Variants in FGGY observed in about 807,000 individuals in gnomAD.
FGGY encodes the protein FGGY carbohydrate kinase domain-containing protein.
In FGGY, 72 loss-of-function variants were observed where a neutral mutation model predicts 71.3. The observed-to-expected ratio is 1.01, with a 90% CI of 0.84 to 1.23. The LOEUF (loss-of-function observed/expected upper bound fraction) is 1.23, where lower values mean the gene tolerates loss of function less well. FGGY is among the 50% of genes most tolerant of loss of function. FGGY has a pLI of 0.00. For synonymous variants in FGGY, 251 were observed against 250.3 expected, an observed-to-expected ratio of 1.00 and a Z score of -0.02; for missense variants, 668 against 682.3, an observed-to-expected ratio of 0.98 and a Z score of 0.23.
chr1:59,592,472 A>C (rs1571827366), intron 8 of FGGY, among the ~76,000 whole-genome samples: 2 of 152,344 alleles, frequency 1.3e-5, no homozygotes, highest in Non-Finnish European at 1.5e-5. Context: ...GCTGGTATAA[A>C]GACACATGCA....
At chr1:59,651,345 A>G (rs1366755648) in intron 11 of FGGY, among the ~76,000 whole-genome samples, 1 of 150,794 alleles carries the variant, frequency 6.6e-6, no homozygotes, top group Non-Finnish European at 1.5e-5. Context: ...TAATGTTGAC[A>G]GTGGGGTGTT....
intron 7 of FGGY, among the ~76,000 whole-genome samples, chr1:59,541,629 T>A (rs1389580300): frequency 6.6e-6 from 1 of 152,172 alleles, no homozygotes; most frequent in Non-Finnish European, 1.5e-5. Flanking sequence ...TTAAAAGTCA[T>A]TTTAAAATTA....
chr1:59,297,963 T>G (rs2042214318), intron 1 of FGGY, among the ~76,000 whole-genome samples: 1 of 152,196 alleles, frequency 6.6e-6, no homozygotes, highest in African/African-American at 2.4e-5. Flanking sequence ...AAGCAGTTAA[T>G]CCTTAGGTTA....
At chr1:59,760,488 C>A (rs1443008459) in intron 15 of FGGY, among the ~76,000 whole-genome samples, 2 of 152,146 alleles carry the variant, frequency 1.3e-5, no homozygotes, top group Admixed American at 1.3e-4. Context: ...AGAGATATTT[C>A]TACATTCATG....
chr1:59,512,248 A>AG, intron 6 of FGGY, 63 bp from the exon 7 acceptor site: 3 of 1,514,392 alleles, frequency 2.0e-6, no homozygotes, highest in East Asian at 2.3e-5. Flanking sequence ...CTTAAAAAAA[A>AG]CCCTCTGTTT....
chr1:59,562,122 G>A (rs936924429), intron 8 of FGGY, among the ~76,000 whole-genome samples: 3 of 152,152 alleles, frequency 2.0e-5, no homozygotes, highest in African/African-American at 7.2e-5. Context: ...CCTACTACGT[G>A]ATCTAGCCAT....
At chr1:59,334,635 G>A (rs1261472828) in intron 2 of FGGY, among the ~76,000 whole-genome samples, 1 of 151,966 alleles carries the variant, frequency 6.6e-6, no homozygotes, top group Non-Finnish European at 1.5e-5. Flanking sequence ...TGAAGCTCTT[G>A]TTTGAGGAAC....
intron 8 of FGGY, among the ~76,000 whole-genome samples, chr1:59,586,110 C>G (rs544540575): frequency 0.015 from 2,229 of 152,286 alleles, 25 homozygotes; most frequent in Non-Finnish European, 0.023. Context: ...GGCGATTCCT[C>G]AGGGATCTAG....
intron 13 of FGGY, among the ~76,000 whole-genome samples, chr1:59,669,540 C>CTTTTTTTTTTTTTTTTTTT (rs58004594): frequency 1.5e-4 from 15 of 102,498 alleles, no homozygotes; most frequent in South Asian, 7.4e-4. Flanking sequence ...TTCTAGACTT[C>CTTTTTTTTTTTTTTTTTTT]TTTTTTTTTT....
At chr1:59,678,317 C>T (rs1185436318) in intron 14 of FGGY, among the ~76,000 whole-genome samples, 1 of 152,142 alleles carries the variant, frequency 6.6e-6, no homozygotes, top group Non-Finnish European at 1.5e-5. Flanking sequence ...ATCCCTCCCC[C>T]ATCATCAGTA....
chr1:59,718,933 C>T (rs553905304), intron 14 of FGGY, among the ~76,000 whole-genome samples: 9 of 152,294 alleles, frequency 5.9e-5, no homozygotes, highest in South Asian at 2.1e-4. Flanking sequence ...TAACTGGCAC[C>T]CAGGACCACT....
intron 14 of FGGY, among the ~76,000 whole-genome samples, chr1:59,700,880 A>C (rs796163060): frequency 6.6e-6 from 1 of 152,176 alleles, no homozygotes; most frequent in Admixed American, 6.6e-5. Flanking sequence ...GTGAGTCCCA[A>C]ATGACAGAAA....
Position 59,512,329 on chromosome 1 carries a change from C to G in FGGY, c.689C>G (p.Pro230Arg), listed in dbSNP as rs2094537971. Reference sequence around the variant, plus strand: ...TACCCAGGAAACCAAGTGCTACCTCCTGGAGCTTCTCTTGGAAATGGGCTC... The same window carrying G: ...TACCCAGGAAACCAAGTGCTACCTCGTGGAGCTTCTCTTGGAAATGGGCTC... Reference protein sequence around the residue: ...YSKIGNQVLPPGASLGNGLTP... With the variant: ...YSKIGNQVLPRGASLGNGLTP... Residue 230 changes from proline to arginine, a missense_variant, in exon 7 of 16, where the codon CCT becomes CGT. Coordinates refer to ENST00000303721, the MANE Select transcript of FGGY (RefSeq NM_018291.5). The G allele has an allele frequency of 6.2e-7, 1 of 1,611,622 alleles. No individual in the cohort carries two copies. Among genetic ancestry groups the G allele is most frequent in the East Asian group, 2.2e-5 (1 of 44,736 alleles).
intron 8 of FGGY, among the ~76,000 whole-genome samples, chr1:59,603,082 C>T (rs541530726): frequency 7.0e-4 from 107 of 152,230 alleles, no homozygotes; most frequent in African/African-American, 2.5e-3. Context: ...TGTCTAAGTA[C>T]AGTTTAAACA....
intron 5 of FGGY, among the ~76,000 whole-genome samples, chr1:59,436,836 T>G (rs1010258341): frequency 6.6e-6 from 1 of 152,164 alleles, no homozygotes; most frequent in African/African-American, 2.4e-5. Flanking sequence ...CTGTTGTAAA[T>G]AGGACTAAAA....
chr1:59,304,191 T>C (rs1039174968), intron 1 of FGGY, among the ~76,000 whole-genome samples: 8 of 152,138 alleles, frequency 5.3e-5, no homozygotes, highest in African/African-American at 1.9e-4. Context: ...CGTTTTCTTC[T>C]AGGAGTTTTA....
intron 4 of FGGY, among the ~76,000 whole-genome samples, chr1:59,350,480 A>G (rs1025050333): frequency 6.6e-6 from 1 of 152,192 alleles, no homozygotes; most frequent in Non-Finnish European, 1.5e-5. Context: ...AGCAGAGAAG[A>G]TAGGAAAGAC....
chr1:59,586,522 G>A (rs911192054), intron 8 of FGGY, among the ~76,000 whole-genome samples: 1 of 152,108 alleles, frequency 6.6e-6, no homozygotes, highest in African/African-American at 2.4e-5. Flanking sequence ...TCGGGGGAGT[G>A]GGGAGGGATA....
At chr1:59,749,173 A>C (rs1364333823) in intron 14 of FGGY, among the ~76,000 whole-genome samples, 1 of 152,174 alleles carries the variant, frequency 6.6e-6, no homozygotes, top group Admixed American at 6.5e-5. Context: ...TATCTCTTCC[A>C]TTTGGCTGTT....
Sources: gnomAD v4.1 joint callset for allele counts (sites outside exome capture counted in the v4.1 genomes callset) on GRCh38, gnomAD v4.1.1 for gene constraint, MANE v1.5 for transcripts, NCBI Gene and HGNC (gene_info 2026-07-23, HGNC 2026-07-21) for gene names.